The following UHRF1 variants were observed in gnomAD, a reference collection of about 807,000 sequenced individuals.
UHRF1 encodes the protein E3 ubiquitin-protein ligase UHRF1.
UHRF1 carries 9 observed loss-of-function variants against 96.5 expected under a neutral mutation model. The ratio of observed to expected loss-of-function variants is 0.09; its 90% CI spans 0.06 to 0.16. The LOEUF (loss-of-function observed/expected upper bound fraction) is 0.16. UHRF1 is among the 10% of genes least tolerant of loss of function. The pLI is 1.00. For missense variants in UHRF1, 626 were observed against 1,131.1 expected (o/e 0.55, Z 6.40); for synonymous variants, 455 against 469.9 (o/e 0.97, Z 0.41).
upstream of UHRF1, among the ~76,000 whole-genome samples, chr19:4,907,459 G>A (rs1202030282): frequency 6.6e-6 from 1 of 152,000 alleles, no homozygotes. Flanking sequence ...AGTAGAGATG[G>A]GGTTTCACCA....
In UHRF1 at chr19:4,915,695, G is replaced by A. The variant is rs201273183; in HGVS notation, c.153+4657G>A. 2.4e-4 allele frequency among the ~76,000 whole-genome samples: 36 copies of A among 152,194 alleles called. No individual in the cohort carries two copies. In the East Asian group the frequency reaches 5.4e-3, roughly 23 times the overall value. ...ACTGCACTCCAGCCTGGGCGACAGA[G>A]CAAGACTCCGTCTCAAAAAAAAAGC... On this transcript the variant is annotated intron_variant, in intron 2 of 16. Coordinates refer to ENST00000650932, the MANE Select transcript of UHRF1 (RefSeq NM_001048201.3).
chr19:4,939,747 A>G (rs1409444736), intron 5 of UHRF1, among the ~76,000 whole-genome samples: 2 of 152,138 alleles, frequency 1.3e-5, no homozygotes. Context: ...CATGGGTGCC[A>G]GGCGCAGTGG....
intron 4 of UHRF1, among the ~76,000 whole-genome samples, chr19:4,932,496 T>C (rs1365467641): frequency 6.6e-6 from 1 of 152,228 alleles, no homozygotes; most frequent in East Asian, 1.9e-4. Flanking sequence ...AAAACAATCC[T>C]ATTCGTGGGT....
Position 4,909,741 on chromosome 19 carries a change from C to T in UHRF1, c.-11+86C>T, listed in dbSNP as rs368651322. 8 of 488,684 alleles carry T rather than the reference C, an allele frequency of 1.6e-5. No homozygotes were observed. In the East Asian group the frequency reaches 2.9e-4, roughly 18 times the overall value. The allele number at this position is 488,684 out of a possible 1,614,324, so 30.3% of individuals were successfully genotyped here. A position where few individuals can be genotyped will look rare whatever the true frequency, so the allele number is the denominator to read the frequency against. ...TTGCAAAACTTTCCCGCGCGGCCAG[C>T]CCGGGCGCACGCATGTCCCGCACTC... On this transcript the variant is annotated intron_variant, in intron 1 of 16. Coordinates refer to ENST00000650932, the MANE Select transcript of UHRF1 (RefSeq NM_001048201.3).
intron 2 of UHRF1, among the ~76,000 whole-genome samples, chr19:4,917,111 G>GTTT (rs59815341): frequency 6.5e-5 from 5 of 77,208 alleles, no homozygotes; most frequent in Admixed American, 1.9e-4. Context: ...TTAAGTTTTC[G>GTTT]TTTTTTTTTT....
chr19:4,904,634 C>T (rs1016973693), upstream of UHRF1, among the ~76,000 whole-genome samples: 1 of 152,158 alleles, frequency 6.6e-6, no homozygotes, highest in African/African-American at 2.4e-5. Context: ...CTCTTTATGC[C>T]TGCATCTCCC....
chr19:4,903,086 G>GTA lies in UHRF1; in HGVS notation c.-569_-568insAT. 3 of 450,052 alleles carry GTA rather than the reference G, an allele frequency of 6.7e-6. No individual in the cohort carries two copies. The South Asian group carries it at 6.9e-5, about 10-fold the overall frequency. 27.9% of individuals were successfully genotyped at this position (450,052 alleles called of 1,614,324 possible). The stretch of plus-strand genomic sequence containing the variant: ...CTGTAGCCCAGGCTGGAGTGCAGGG[G>GTA]TGCCATCTTGGCTCACTGCAACCTC... On this transcript the variant is annotated 5_prime_UTR_variant, in exon 1 of 17. Transcript: ENST00000612630.
At chr19:4,934,938 G>A (rs180842520) in intron 5 of UHRF1, among the ~76,000 whole-genome samples, 93 of 152,056 alleles carry the variant, frequency 6.1e-4, no homozygotes, top group Non-Finnish European at 7.6e-4. Context: ...GAAACTATCT[G>A]GATTGTTATA....
chr19:4,927,359 C>T (rs1046070719), intron 2 of UHRF1, among the ~76,000 whole-genome samples: 12 of 123,052 alleles, frequency 9.8e-5, no homozygotes, highest in Non-Finnish European at 1.6e-4. Flanking sequence ...CCACCCTGGG[C>T]GACAGAGTGA....
chr19:4,903,368 A>C (rs1702390908), exon 1 of UHRF1: 2 of 157,146 alleles, frequency 1.3e-5, no homozygotes, highest in Non-Finnish European at 2.8e-5. Flanking sequence ...GCTGGAGTGT[A>C]GTGGCGCGAT....
chr19:4,958,934 C>T (rs2033923224), intron 16 of UHRF1, among the ~76,000 whole-genome samples: 1 of 150,862 alleles, frequency 6.6e-6, no homozygotes, highest in African/African-American at 2.4e-5. Context: ...TGTACTCCAG[C>T]CTGGGCGTCA....
chr19:4,926,851 T>G (rs1366428781), intron 2 of UHRF1, among the ~76,000 whole-genome samples: 3 of 150,934 alleles, frequency 2.0e-5, no homozygotes, highest in Admixed American at 1.3e-4. Context: ...GATCACGAGG[T>G]CAGGAGATCG....
At chr19:4,951,037 C>G in intron 13 of UHRF1, 41 bp downstream of exon 13, 1 of 1,541,448 alleles carries the variant, frequency 6.5e-7, no homozygotes, top group South Asian at 1.2e-5. Flanking sequence ...GAGGCCAAGG[C>G]GGATGGATCA....
At chr19:4,935,918 A>G (rs2033202369) in intron 5 of UHRF1, among the ~76,000 whole-genome samples, 1 of 152,172 alleles carries the variant, frequency 6.6e-6, no homozygotes. Flanking sequence ...CTGCCCAGCC[A>G]GCACCCACGG....
At position 4,941,080 on chromosome 19, in the gene UHRF1, G is replaced by GTTTTTTTTTTT. The variant is rs1171655897; in HGVS notation, c.786-444_786-443insTTTTTTTTTTT. 5.4e-4 allele frequency among the ~76,000 whole-genome samples: 61 copies of GTTTTTTTTTTT among 112,838 alleles called. 7 individuals are homozygous for GTTTTTTTTTTT. Among genetic ancestry groups the GTTTTTTTTTTT allele is most frequent in the African/African-American group, 2.3e-3 (61 of 26,658 alleles). 74.0% of individuals were successfully genotyped at this position (112,838 alleles called of 152,430 possible). A position where few individuals can be genotyped will look rare whatever the true frequency, so the allele number is the denominator to read the frequency against. On this transcript the variant is annotated intron_variant, in intron 5 of 16. Transcript: ENST00000650932. ...CCTGCAATGAAACTCTGGTTTCTGT[G>GTTTTTTTTTTT]TTTTGTTTTTTTTTTTTTTTTTTTT... is the stretch of plus-strand genomic sequence containing the variant.
chr19:4,905,928 A>C (rs987350680), upstream of UHRF1, among the ~76,000 whole-genome samples: 37 of 152,174 alleles, frequency 2.4e-4, no homozygotes, highest in African/African-American at 8.9e-4. Context: ...TTTTTTTCTG[A>C]GACGCCTGGA....
intron 5 of UHRF1, among the ~76,000 whole-genome samples, chr19:4,941,201 C>T (rs985474350): frequency 6.2e-5 from 9 of 145,104 alleles, no homozygotes; most frequent in Non-Finnish European, 1.3e-4. Flanking sequence ...AGTGATTCTT[C>T]TGCCTCAGCC....
intron 7 of UHRF1, among the ~76,000 whole-genome samples, chr19:4,942,880 G>A (rs150416836): frequency 0.011 from 1,671 of 152,268 alleles, 11 homozygotes; most frequent in Middle Eastern, 0.048. Flanking sequence ...CGAGGGTGCA[G>A]TGAACTGTGA....
chr19:4,937,293 C>CTTTTTTT (rs11411657), intron 5 of UHRF1, among the ~76,000 whole-genome samples: 28 of 125,408 alleles, frequency 2.2e-4, no homozygotes, highest in African/African-American at 7.7e-4. Flanking sequence ...AGATGGGCCA[C>CTTTTTTT]TTTTTTTTTT....
Sources: allele counts gnomAD v4.1 joint callset (sites outside exome capture counted in the v4.1 genomes callset), GRCh38; gene constraint gnomAD v4.1.1; transcripts MANE v1.5; gene names NCBI Gene and HGNC (gene_info 2026-07-23, HGNC 2026-07-21).